TUB: variants seen among roughly 807,000 people sequenced by gnomAD.
TUB encodes the protein TUB bipartite transcription factor.
Under a neutral mutation model 59.7 loss-of-function variants are expected in TUB, and 33 were observed. The observed-to-expected ratio is 0.55, with a 90% CI of 0.42 to 0.74. The LOEUF is 0.74. TUB is among the 30% of genes least tolerant of loss of function. TUB has a pLI of 0.00. For synonymous variants in TUB, 293 were observed against 256.4 expected (o/e 1.14, Z -1.36); for missense variants, 659 against 672.0 (o/e 0.98, Z 0.21).
chr11:8,097,183 G>A, intron 6 of TUB, 45 bp from the exon 7 acceptor site: 1 of 1,608,878 alleles, frequency 6.2e-7, no homozygotes, highest in Non-Finnish European at 8.5e-7. Flanking sequence ...AATTTGGGCT[G>A]CTTAGGGTCC....
intron 1 of TUB, among the ~76,000 whole-genome samples, chr11:8,029,323 A>G (rs1208142217): frequency 2.6e-5 from 4 of 151,872 alleles, no homozygotes; most frequent in Non-Finnish European, 5.9e-5. Flanking sequence ...GGAGAACTTA[A>G]CAAAATATGT....
intron 2 of TUB, among the ~76,000 whole-genome samples, chr11:8,045,436 T>A (rs1942816783): frequency 6.6e-6 from 1 of 152,234 alleles, no homozygotes; most frequent in African/African-American, 2.4e-5. Flanking sequence ...AGATGATAAA[T>A]GTTTTGGATT....
In TUB at chr11:8,105,627, TGTTACATTGTCAAAGCTTGCC is replaced by T. The variant is rs1944538896; in HGVS notation, c.*4011_*4031del. The T allele has an allele frequency of 6.6e-6, 1 of 152,238 alleles. No homozygotes were observed. Among genetic ancestry groups the T allele is most frequent in the Admixed American group, 6.5e-5 (1 of 15,288 alleles). The allele number at this position is 152,238 out of a possible 1,614,324, so 9.4% of individuals were successfully genotyped here. On this transcript the variant is annotated 3_prime_UTR_variant, in exon 12 of 12. Transcript: ENST00000299506. ...CATTTTCCTAACCACAAGATAAAGA[TGTTACATTGTCAAAGCTTGCC>T]GTAGGATTTGGGGTGAATGAAAATT... is the stretch of plus-strand genomic sequence containing the variant.
At position 8,044,727 on chromosome 11, in the gene TUB, T is replaced by A. The variant is rs138008992; in HGVS notation, c.203+5035T>A. ...TTCCCCCATTTCATAAGTCCCAGGT[T>A]GTCACCTATACTTCTGGCCAACCAG... On this transcript the variant is annotated intron_variant, in intron 2 of 12. Coordinates refer to the TUB transcript ENST00000305253. Among the ~76,000 whole-genome samples the A allele has an allele frequency of 4.8e-3, 730 of 152,334 alleles. 4 individuals are homozygous for A. The highest frequency in any genetic ancestry group is 0.016 in the African/African-American group (677 of 41,580).
upstream of TUB, among the ~76,000 whole-genome samples, chr11:8,034,078 G>A (rs1942613712): frequency 6.6e-6 from 1 of 152,324 alleles, no homozygotes; most frequent in Middle Eastern, 3.4e-3. Context: ...GCCTACTGTG[G>A]CCTCATCCCT....
intron 2 of TUB, among the ~76,000 whole-genome samples, chr11:8,049,561 G>GTGTATATATA (rs774091068): frequency 8.0e-6 from 1 of 124,260 alleles, no homozygotes; most frequent in Non-Finnish European, 1.7e-5. Flanking sequence ...GTATTATGTG[G>GTGTATATATA]TATATATATA....
chr11:8,040,709 C>T (rs1458445735), intron 2 of TUB, among the ~76,000 whole-genome samples: 1 of 152,066 alleles, frequency 6.6e-6, no homozygotes, highest in African/African-American at 2.4e-5. Context: ...TGGGAAGGAG[C>T]AGTAGGAGGA....
intron 2 of TUB, among the ~76,000 whole-genome samples, chr11:8,072,395 G>A (rs1292033338): frequency 1.3e-5 from 2 of 152,180 alleles, no homozygotes; most frequent in African/African-American, 2.4e-5. Context: ...TGCGGTGGGC[G>A]GCGGAGGCCC....
At chr11:8,023,626 A>G (rs1942461978) in intron 1 of TUB, among the ~76,000 whole-genome samples, 1 of 152,220 alleles carries the variant, frequency 6.6e-6, no homozygotes, top group Non-Finnish European at 1.5e-5. Context: ...CTTTAACGCA[A>G]TAGGTTTAAA....
chr11:8,033,948 C>T (rs1036120791), upstream of TUB, among the ~76,000 whole-genome samples: 6 of 152,202 alleles, frequency 3.9e-5, no homozygotes, highest in African/African-American at 1.4e-4. Context: ...TGAAACGCAC[C>T]GCAGGGATAC....
At chr11:8,051,653 T>C (rs1942937112) in intron 2 of TUB, among the ~76,000 whole-genome samples, 2 of 152,214 alleles carry the variant, frequency 1.3e-5, no homozygotes, top group Non-Finnish European at 2.9e-5. Context: ...AGCTTTGCAC[T>C]CACTTCAATT....
rs1268227504 is a variant in TUB, at chr11:8,081,310, C to A, written c.-201C>A. ...CGCACTCCCGGAGCTTCGCCCATCT[C>A]GCCTCGCCGCGCCGCGCAGGCAGCC... On this transcript the variant is annotated 5_prime_UTR_variant, in exon 1 of 12. Coordinates refer to ENST00000299506, the MANE Select transcript of TUB (RefSeq NM_177972.3). 2 of 942,168 alleles carry A rather than the reference C, an allele frequency of 2.1e-6. No individual in the cohort carries two copies. The highest frequency in any genetic ancestry group is 2.5e-6 in the Non-Finnish European group (2 of 790,870). 58.4% of individuals were successfully genotyped at this position (942,168 alleles called of 1,614,324 possible). A position where few individuals can be genotyped will look rare whatever the true frequency, so the allele number is the denominator to read the frequency against.
At chr11:8,094,887 C>T (rs528380351) in intron 4 of TUB, among the ~76,000 whole-genome samples, 7 of 152,342 alleles carry the variant, frequency 4.6e-5, no homozygotes, top group Admixed American at 2.6e-4. Flanking sequence ...GGGCATAGCT[C>T]AGTAGGCGGG....
Position 8,101,793 on chromosome 11 carries a change from G to A in TUB, c.*174G>A. On this transcript the variant is annotated 3_prime_UTR_variant, in exon 12 of 12. Transcript: ENST00000299506. ...AACTGGCTCCTTTGCCTCTGCTACT[G>A]AGGCAGGGGAGTAGTGGAGAGCGGG... The A allele has an allele frequency of 8.5e-7, 1 of 1,175,062 alleles. No individual in the cohort carries two copies. Among genetic ancestry groups the A allele is most frequent in the Non-Finnish European group, 1.2e-6 (1 of 863,802 alleles). The allele number at this position is 1,175,062 out of a possible 1,614,324, so 72.8% of individuals were successfully genotyped here.
intron 2 of TUB, among the ~76,000 whole-genome samples, chr11:8,055,247 G>A (rs1943001415): frequency 6.6e-6 from 1 of 152,162 alleles, no homozygotes; most frequent in Non-Finnish European, 1.5e-5. Context: ...GAGAGAGGTG[G>A]GAGGAGAATG....
chr11:8,103,238 C>T lies in TUB; in HGVS notation c.*1619C>T, dbSNP rs2133933559. The stretch of plus-strand genomic sequence containing the variant: ...TTCTCCTTGGATGGCACCATCCACC[C>T]TGCAGGCTTGGGAACTGTAAGCTCA... On this transcript the variant is annotated 3_prime_UTR_variant, in exon 12 of 12. Transcript: ENST00000299506. The T allele has an allele frequency of 6.6e-6, 1 of 152,372 alleles. No individual in the cohort carries two copies. The highest frequency in any genetic ancestry group is 2.1e-4 in the South Asian group (1 of 4,826). 9.4% of individuals were successfully genotyped at this position (152,372 alleles called of 1,614,324 possible).
intron 1 of TUB, among the ~76,000 whole-genome samples, chr11:8,086,600 C>G (rs1014260490): frequency 1.3e-5 from 2 of 152,136 alleles, no homozygotes; most frequent in Admixed American, 6.5e-5. Flanking sequence ...GGTCCCATCT[C>G]GTCCCCTTGC....
intron 2 of TUB, 122 bp downstream of exon 2, chr11:8,089,783 T>A: frequency 7.4e-7 from 1 of 1,354,090 alleles, no homozygotes; most frequent in Non-Finnish European, 1.0e-6. Flanking sequence ...GATTCCCATG[T>A]GGAAGAAGAG....
upstream of TUB, among the ~76,000 whole-genome samples, chr11:8,078,654 C>G (rs1046344879): frequency 1.3e-5 from 2 of 152,192 alleles, no homozygotes; most frequent in South Asian, 4.2e-4. Context: ...CTCCTGCACG[C>G]GTACCATCCA....
Sources: gnomAD v4.1 joint callset for allele counts (sites outside exome capture counted in the v4.1 genomes callset) on GRCh38, gnomAD v4.1.1 for gene constraint, MANE v1.5 for transcripts, NCBI Gene and HGNC (gene_info 2026-07-23, HGNC 2026-07-21) for gene names.